The following RPL23 variants were observed in gnomAD, a reference collection of about 807,000 sequenced individuals.
RPL23 encodes the protein large ribosomal subunit protein uL14.
For missense variants in RPL23, 79 were observed against 178.8 expected (o/e 0.44, Z 3.18); for synonymous variants, 63 against 65.3 (o/e 0.97, Z 0.17).
intron 3 of RPL23, chr17:38,852,081 G>A (rs1046029548): frequency 2.0e-5 from 3 of 152,486 alleles, no homozygotes; most frequent in African/African-American, 7.2e-5. Context: ...AATTAGCCGG[G>A]TGTGGTGGTG....
intron 1 of RPL23, 197 bp downstream of exon 1, chr17:38,853,501 G>C: frequency 2.7e-6 from 2 of 731,818 alleles, no homozygotes; most frequent in Non-Finnish European, 5.0e-6. Context: ...ATTCACGTCG[G>C]GATCCTGCCA....
rs1912908709 is a variant in RPL23, at chr17:38,848,132, T to C, written c.*2000A>G. ...ATATAAGGATCATATATTGCCATAA[T>C]ATATAAAGACATAAATGGTGGGCCT... On this transcript the variant is annotated 3_prime_UTR_variant, in exon 5 of 5. Transcript: ENST00000479035. 7.1e-7 allele frequency: 1 copy of C among 1,405,820 alleles called. No individual in the cohort carries two copies. Among genetic ancestry groups the C allele is most frequent in the Non-Finnish European group, 9.3e-7 (1 of 1,077,018 alleles). The allele number at this position is 1,405,820 out of a possible 1,614,324, so 87.1% of individuals were successfully genotyped here.
chr17:38,853,167 T>C, intron 1 of RPL23, 62 bp from the exon 2 acceptor site: 4 of 1,254,982 alleles, frequency 3.2e-6, no homozygotes, highest in South Asian at 1.2e-5. Flanking sequence ...TGGTTCGGAG[T>C]TCCCCCTCAT....
intron 3 of RPL23, 59 bp downstream of exon 3, chr17:38,852,545 T>C (rs1453681429): frequency 6.3e-7 from 1 of 1,587,634 alleles, no homozygotes; most frequent in East Asian, 2.2e-5. Flanking sequence ...CATTTTCCAA[T>C]AAAGGAAAGC....
At position 38,848,182 on chromosome 17, in the gene RPL23, C is replaced by A; in HGVS notation, c.*1950G>T. 9.0e-7 allele frequency: 1 copy of A among 1,108,366 alleles called. No homozygotes were observed. Among genetic ancestry groups the A allele is most frequent in the Non-Finnish European group, 1.2e-6 (1 of 849,576 alleles). The allele number at this position is 1,108,366 out of a possible 1,614,324, so 68.7% of individuals were successfully genotyped here. A position where few individuals can be genotyped will look rare whatever the true frequency, so the allele number is the denominator to read the frequency against. ...TAGGGGCTTGTCACACTAAAGCTGA[C>A]TTGAAATTGACCATACTCAGGGATG... is the stretch of plus-strand genomic sequence containing the variant. On this transcript the variant is annotated 3_prime_UTR_variant, in exon 5 of 5. Transcript: ENST00000479035.
intron 4 of RPL23, 55 bp from the exon 5 acceptor site, chr17:38,850,269 G>C (rs1912963138): frequency 6.4e-7 from 1 of 1,554,582 alleles, no homozygotes; most frequent in Non-Finnish European, 8.8e-7. Flanking sequence ...GACAGATTAA[G>C]ACATCGTCAA....
rs1912911289 is a variant in RPL23 at position 38,848,212 on chromosome 17, G to T, written c.*1920C>A. ...AATTGACCATACTCAGGGATGTTAT[G>T]GTGTAACTCTCTAAAACTAGAGATT... On this transcript the variant is annotated 3_prime_UTR_variant, in exon 5 of 5. Transcript: ENST00000479035. 3.6e-6 allele frequency: 3 copies of T among 825,122 alleles called. No homozygotes were observed. The East Asian group carries it at 1.0e-4, about 27-fold the overall frequency. The allele number at this position is 825,122 out of a possible 1,614,324, so 51.1% of individuals were successfully genotyped here. A position where few individuals can be genotyped will look rare whatever the true frequency, so the allele number is the denominator to read the frequency against.
At chr17:38,853,324 T>C (rs1191657735) in intron 1 of RPL23, 1 of 657,548 alleles carries the variant, frequency 1.5e-6, no homozygotes. Context: ...GACATCGAAA[T>C]TAAGAAACCT....
At chr17:38,853,196 C>A in intron 1 of RPL23, 91 bp from the exon 2 acceptor site, 2 of 971,134 alleles carry the variant, frequency 2.1e-6, no homozygotes, top group East Asian at 2.5e-5. Context: ...TGTAATTCAC[C>A]GCACATGCTT....
chr17:38,852,087 T>C (rs561964580), intron 3 of RPL23: 2 of 152,760 alleles, frequency 1.3e-5, no homozygotes, highest in Admixed American at 6.5e-5. Flanking sequence ...CCGGGTGTGG[T>C]GGTGCACACC....
rs1331391415 is a variant in RPL23, at chr17:38,848,147, A to G, written c.*1985T>C. 1.5e-6 allele frequency: 2 copies of G among 1,360,896 alleles called. No homozygotes were observed. Among genetic ancestry groups the G allele is most frequent in the Non-Finnish European group, 1.9e-6 (2 of 1,048,106 alleles). 84.3% of individuals were successfully genotyped at this position (1,360,896 alleles called of 1,614,324 possible). The stretch of plus-strand genomic sequence containing the variant: ...ATTGCCATAATATATAAAGACATAA[A>G]TGGTGGGCCTAGGGGCTTGTCACAC... On this transcript the variant is annotated 3_prime_UTR_variant, in exon 5 of 5. Transcript: ENST00000479035.
rs756599214 is a variant in RPL23, at chr17:38,850,470, G to C, written c.232C>G (p.Pro78Ala). 1 of 1,609,762 alleles carries C rather than the reference G, an allele frequency of 6.2e-7. No homozygotes were observed. The highest frequency in any genetic ancestry group is 8.5e-7 in the Non-Finnish European group (1 of 1,176,486). The change falls in exon 4 of 5, where the codon CCA (proline) becomes GCA (alanine). Residue 78 changes from proline (P) to alanine (A), a missense_variant. By Grantham distance (27) the Pro-to-Ala change is conservative. Transcript: ENST00000479035. ...TTTCGTTGTCGAATGACCACTGCTG[G>C]ATGTACTGAGAGAAGAAAAAAGGAC... Reference protein sequence around the residue: ...GKPELRKKVHPAVVIRQRKSY... With the variant: ...GKPELRKKVHAAVVIRQRKSY...
chr17:38,850,131 A>C lies in RPL23; in HGVS notation c.*1T>G. ...TTATTTTTTACAAATATACTGGAGA[A>C]TCATGCAATGCTGCCAGCATTGGAT... On this transcript the variant is annotated 3_prime_UTR_variant, in exon 5 of 5. Coordinates refer to ENST00000479035, the MANE Select transcript of RPL23 (RefSeq NM_000978.4). 1 of 1,587,490 alleles carries C rather than the reference A, an allele frequency of 6.3e-7. No homozygotes were observed. Among genetic ancestry groups the C allele is most frequent in the Non-Finnish European group, 8.6e-7 (1 of 1,168,782 alleles).
In RPL23 at chr17:38,853,111, G is replaced by T. The variant is rs1359106581; in HGVS notation, c.14-6C>A. ...ACCAGAGGACCCACCACGTCCTGTG[G>T]ATATAAAGGGAAGGGAAACAGGATA... is the stretch of plus-strand genomic sequence containing the variant. On this transcript the variant is annotated splice_region_variant and splice_polypyrimidine_tract_variant and intron_variant, in intron 1 of 4. Coordinates refer to ENST00000479035, the MANE Select transcript of RPL23 (RefSeq NM_000978.4). 6.2e-7 allele frequency: 1 copy of T among 1,610,282 alleles called. No individual in the cohort carries two copies. Among genetic ancestry groups the T allele is most frequent in the Admixed American group, 1.7e-5 (1 of 59,988 alleles).
At chr17:38,852,546 A>T in intron 3 of RPL23, 58 bp downstream of exon 3, 1 of 1,588,014 alleles carries the variant, frequency 6.3e-7, no homozygotes, top group South Asian at 1.1e-5. Context: ...ATTTTCCAAT[A>T]AAGGAAAGCG....
Position 38,853,117 on chromosome 17 carries a change from A to G in RPL23, c.14-12T>C, listed in dbSNP as rs759987104. 9 of 1,604,028 alleles carry G rather than the reference A, an allele frequency of 5.6e-6. No individual in the cohort carries two copies. Among genetic ancestry groups the G allele is most frequent in the Non-Finnish European group, 7.7e-6 (9 of 1,170,918 alleles). On this transcript the variant is annotated splice_polypyrimidine_tract_variant and intron_variant, in intron 1 of 4. Transcript: ENST00000479035. ...GGACCCACCACGTCCTGTGGATATAAAGGGAAGGGAAACAGGATAAAGAGA... is the reference window on the plus strand; with the variant it reads ...GGACCCACCACGTCCTGTGGATATAGAGGGAAGGGAAACAGGATAAAGAGA...
At chr17:38,852,945 C>A (rs1913047576) in intron 2 of RPL23, 77 bp downstream of exon 2, 1 of 1,440,068 alleles carries the variant, frequency 6.9e-7, no homozygotes, top group African/African-American at 1.4e-5. Flanking sequence ...CCTTTCTTGA[C>A]GGCTCAATAG....
rs1023157019 is a variant in RPL23 at position 38,848,092 on chromosome 17, C to G, written c.*2040G>C. ...AAAAGATAACATTCAAAAACAGCAG[C>G]GATTAGTGGTTAATATATAAGGATC... is the stretch of plus-strand genomic sequence containing the variant. On this transcript the variant is annotated 3_prime_UTR_variant, in exon 5 of 5. Coordinates refer to ENST00000479035, the MANE Select transcript of RPL23 (RefSeq NM_000978.4). The G allele has an allele frequency of 6.6e-7, 1 of 1,521,604 alleles. No individual in the cohort carries two copies. The highest frequency in any genetic ancestry group is 8.8e-7 in the Non-Finnish European group (1 of 1,135,572). 94.3% of individuals were successfully genotyped at this position (1,521,604 alleles called of 1,614,324 possible). A position where few individuals can be genotyped will look rare whatever the true frequency, so the allele number is the denominator to read the frequency against.
In RPL23 at chr17:38,850,096, GTTTTTT is replaced by G. The variant is rs3834563; in HGVS notation, c.*30_*35del. On this transcript the variant is annotated 3_prime_UTR_variant, in exon 5 of 5. Coordinates refer to ENST00000479035, the MANE Select transcript of RPL23 (RefSeq NM_000978.4). ...AAACAAATACTTTTTAATGGGTTTA[GTTTTTT>G]TTTTTATTTTTTACAAATATACTGG... 5 of 1,436,048 alleles carry G rather than the reference GTTTTTT, an allele frequency of 3.5e-6. No homozygotes were observed. The African/African-American group carries it at 4.4e-5, about 13-fold the overall frequency. The allele number at this position is 1,436,048 out of a possible 1,614,324, so 89.0% of individuals were successfully genotyped here.
Sources: allele counts gnomAD v4.1 joint callset, GRCh38; gene constraint gnomAD v4.1.1; transcripts MANE v1.5; gene names NCBI Gene and HGNC (gene_info 2026-07-23, HGNC 2026-07-21).